The following RGS9 variants were observed in gnomAD, a reference collection of about 807,000 sequenced individuals.
RGS9 encodes regulator of G-protein signalling 9.
A neutral mutation model predicts 102.0 loss-of-function variants in RGS9; 78 were observed. The observed-to-expected ratio is 0.76, with a 90% CI of 0.64 to 0.92. RGS9 has a LOEUF of 0.92. Among genes scored for constraint, RGS9 ranks in the 40% least tolerant of loss-of-function variants. The probability of loss-of-function intolerance (pLI) is 0.00; values close to 1 mark genes in which losing one functional copy is unlikely to be tolerated. For synonymous variants in RGS9, 353 were observed against 318.6 expected, an observed-to-expected ratio of 1.11 and a Z score of -1.15; for missense variants, 833 against 866.1, an observed-to-expected ratio of 0.96 and a Z score of 0.48.
rs545458134 is a variant in RGS9, at chr17:65,146,583, CA to C, written c.58-6824del. 4.3e-3 allele frequency among the ~76,000 whole-genome samples: 475 copies of C among 110,364 alleles called. 3 individuals carry two copies. Among genetic ancestry groups the C allele is most frequent in the African/African-American group, 0.01 (314 of 30,980 alleles). The allele number at this position is 110,364 out of a possible 152,430, so 72.4% of individuals were successfully genotyped here. A position where few individuals can be genotyped will look rare whatever the true frequency, so the allele number is the denominator to read the frequency against. On this transcript the variant is annotated intron_variant, in intron 1 of 18. Transcript: ENST00000262406. The stretch of plus-strand genomic sequence containing the variant: ...GCTTGGCGACAGAGCAAGACTGTCT[CA>C]AAAAAAAAAAAAAAGAAAAGAAAAT...
At chr17:65,163,182 A>AT (rs368025174) in intron 7 of RGS9, 93 bp downstream of exon 7, 12,237 of 580,174 alleles carry the variant, frequency 0.021, 581 homozygotes, top group African/African-American at 0.16. Context: ...TTTTATTTTT[A>AT]TTTTTTTTTT....
intron 17 of RGS9, among the ~76,000 whole-genome samples, chr17:65,222,969 GT>G (rs1399751258): frequency 6.6e-6 from 1 of 152,164 alleles, no homozygotes; most frequent in African/African-American, 2.4e-5. Context: ...GAGTCAGCCA[GT>G]TGGGTTTCAA....
chr17:65,152,092 G>A (rs1434953387), intron 1 of RGS9, among the ~76,000 whole-genome samples: 2 of 152,228 alleles, frequency 1.3e-5, no homozygotes, highest in African/African-American at 2.4e-5. Context: ...CGTCAGGAGT[G>A]CCAAGGGTGG....
At chr17:65,187,340 T>G (rs1345419869) in intron 9 of RGS9, among the ~76,000 whole-genome samples, 1 of 152,154 alleles carries the variant, frequency 6.6e-6, no homozygotes, top group East Asian at 1.9e-4. Flanking sequence ...TGGCGATCAG[T>G]GCTATGAAGG....
Position 65,225,428 on chromosome 17 carries a change from C to G in RGS9, c.1834C>G (p.Gln612Glu). 1.2e-6 allele frequency: 2 copies of G among 1,609,468 alleles called. No individual in the cohort carries two copies. The highest frequency in any genetic ancestry group is 1.7e-6 in the Non-Finnish European group (2 of 1,180,014). The change falls in exon 18 of 19, where the codon CAG becomes GAG. Residue 612 changes from glutamine to glutamate, a missense_variant. Gln to Glu is a conservative substitution (Grantham distance 29). Around this residue, in one of 3 missense-constraint regions of RGS9, gnomAD observed 320 missense variants for 276.8 expected, o/e 1.16. Coordinates refer to ENST00000262406, the MANE Select transcript of RGS9 (RefSeq NM_003835.4). ...CCCTGCTGTGTCCCACGGGAGGGTG[C>G]AGCCCCTGGGGGACGTGGGCCAGCA... is the stretch of plus-strand genomic sequence containing the variant. Reference protein sequence around the residue: ...KCPAVSHGRVQPLGDVGQQLP... With the variant: ...KCPAVSHGRVEPLGDVGQQLP...
In RGS9 at chr17:65,173,357, C is replaced by T. The variant is rs944113233; in HGVS notation, c.583-4375C>T. ...AGAGTGAAGCTGAGAGAAGGAGGGG[C>T]AGGGGGACACGGTGGAGTACCACCG... On this transcript the variant is annotated intron_variant, in intron 8 of 18. Transcript: ENST00000262406. The surrounding 1 kb of genome is among the most constrained non-coding windows in gnomAD (Gnocchi z 4.8). 1.8e-4 allele frequency among the ~76,000 whole-genome samples: 27 copies of T among 152,030 alleles called. No individual in the cohort carries two copies. Among genetic ancestry groups the T allele is most frequent in the Non-Finnish European group, 4.4e-5 (3 of 68,000 alleles).
chr17:65,189,280 T>C lies in RGS9; in HGVS notation c.655-6T>C. ...TGCCTAACGGTTTTGTTTCTTTGTC[T>C]TACAGAAACAAACAGTCGTTGCTGT... On this transcript the variant is annotated splice_polypyrimidine_tract_variant and splice_region_variant and intron_variant, in intron 9 of 18. Coordinates refer to ENST00000262406, the MANE Select transcript of RGS9 (RefSeq NM_003835.4). 1 of 1,610,380 alleles carries C rather than the reference T, an allele frequency of 6.2e-7. No homozygotes were observed. The highest frequency in any genetic ancestry group is 8.5e-7 in the Non-Finnish European group (1 of 1,176,760).
intron 17 of RGS9, among the ~76,000 whole-genome samples, chr17:65,218,281 T>C (rs1317829869): frequency 6.6e-6 from 1 of 152,198 alleles, no homozygotes; most frequent in Non-Finnish European, 1.5e-5. Flanking sequence ...AGGGAGGTGT[T>C]GTCTTCCAGC....
chr17:65,226,575 G>A (rs2144138284), intron 18 of RGS9, among the ~76,000 whole-genome samples: 1 of 151,854 alleles, frequency 6.6e-6, no homozygotes, highest in South Asian at 2.1e-4. Context: ...TCTTCTCAAG[G>A]GCCACTACTT....
chr17:65,219,140 C>CT (rs1434811970), intron 17 of RGS9, among the ~76,000 whole-genome samples: 4 of 152,168 alleles, frequency 2.6e-5, no homozygotes, highest in Non-Finnish European at 4.4e-5. Context: ...TATGCAGCTC[C>CT]TAGGGACTCA....
intron 1 of RGS9, among the ~76,000 whole-genome samples, chr17:65,145,781 G>A (rs1008596378): frequency 2.0e-5 from 3 of 152,052 alleles, no homozygotes; most frequent in African/African-American, 4.8e-5. Context: ...GAATTTGTAG[G>A]GGGACGCAGT....
At chr17:65,158,632 A>G (rs1910865546) in intron 3 of RGS9, 1 of 500,376 alleles carries the variant, frequency 2.0e-6, no homozygotes. Context: ...TCTTGAAAGA[A>G]GTGATGCTTG....
intron 15 of RGS9, among the ~76,000 whole-genome samples, chr17:65,206,244 C>T (rs1269384969): frequency 6.6e-6 from 1 of 152,164 alleles, no homozygotes; most frequent in Admixed American, 6.5e-5. Flanking sequence ...TAGCCATTTT[C>T]ATCATTTTTT....
chr17:65,227,250 AC>A, intron 18 of RGS9, 24 bp from the exon 19 acceptor site: 1 of 1,614,084 alleles, frequency 6.2e-7, no homozygotes, highest in South Asian at 1.1e-5. Context: ...CCCCTACATT[AC>A]TGGCTTTCCT....
intron 3 of RGS9, among the ~76,000 whole-genome samples, chr17:65,159,654 G>T (rs1034930797): frequency 6.6e-6 from 1 of 152,198 alleles, no homozygotes; most frequent in African/African-American, 2.4e-5. Context: ...AACCAAGGAA[G>T]TTTGTCCTTT....
chr17:65,146,312 T>G (rs1156301152), intron 1 of RGS9, among the ~76,000 whole-genome samples: 3 of 151,964 alleles, frequency 2.0e-5, no homozygotes, highest in Non-Finnish European at 4.4e-5. Context: ...AATCTTGGCC[T>G]GGCGTGGTGG....
chr17:65,157,208 AGCTTG>A (rs1018911519), intron 2 of RGS9, among the ~76,000 whole-genome samples: 3 of 152,174 alleles, frequency 2.0e-5, no homozygotes, highest in African/African-American at 7.2e-5. Flanking sequence ...ACAGGCTTCC[AGCTTG>A]GCCTTTGGAA....
chr17:65,201,530 C>T (rs1023054033), intron 13 of RGS9, among the ~76,000 whole-genome samples: 2 of 152,178 alleles, frequency 1.3e-5, no homozygotes, highest in South Asian at 4.1e-4. Flanking sequence ...TGTAGAAAAC[C>T]GTAGCGTAGC....
chr17:65,152,626 C>T (rs961904959), intron 1 of RGS9, among the ~76,000 whole-genome samples: 4 of 152,122 alleles, frequency 2.6e-5, no homozygotes, highest in Admixed American at 1.3e-4. Context: ...AACTCCTGGG[C>T]TCAAGTGATC....
Sources: gnomAD v4.1 joint callset for allele counts (sites outside exome capture counted in the v4.1 genomes callset) on GRCh38, gnomAD v4.1.1 for gene constraint, gnomAD v4.1.1 regional missense constraint, Gnocchi (gnomAD v3.1) non-coding constraint, MANE v1.5 for transcripts, NCBI Gene and HGNC (gene_info 2026-07-23, HGNC 2026-07-21) for gene names.